HMCN1: variants seen among roughly 807,000 people sequenced by gnomAD.
The protein encoded by HMCN1 is hemicentin 1.
Under a neutral mutation model 625.9 loss-of-function variants are expected in HMCN1, and 321 were observed. The observed-to-expected ratio is 0.51, with a 90% CI of 0.47 to 0.56. The LOEUF (loss-of-function observed/expected upper bound fraction) is 0.56. Among genes scored for constraint, HMCN1 ranks in the 20% least tolerant of loss-of-function variants. The pLI is 0.00. For missense variants in HMCN1, 6,588 were observed against 6,887.3 expected (o/e 0.96, Z 1.54); for synonymous variants, 2,425 against 2,417.6 (o/e 1.00, Z -0.09).
chr1:185,769,117 C>T (rs1351995493), intron 1 of HMCN1, among the ~76,000 whole-genome samples: 1 of 152,046 alleles, frequency 6.6e-6, no homozygotes, highest in Non-Finnish European at 1.5e-5. Flanking sequence ...TTTCCAAATA[C>T]TTTGGGAATA....
At chr1:185,783,130 C>A (rs1657267023) in intron 1 of HMCN1, among the ~76,000 whole-genome samples, 2 of 151,982 alleles carry the variant, frequency 1.3e-5, no homozygotes, top group African/African-American at 4.8e-5. Flanking sequence ...TTTTCCAGTT[C>A]ATCGAATCGG....
At chr1:186,118,681 C>G (rs917160973) in intron 77 of HMCN1, among the ~76,000 whole-genome samples, 1 of 152,126 alleles carries the variant, frequency 6.6e-6, no homozygotes, top group Non-Finnish European at 1.5e-5. Context: ...TAAAAAGGAA[C>G]AAAATATTGA....
chr1:186,143,052 C>G (rs994888220), intron 89 of HMCN1, among the ~76,000 whole-genome samples: 3 of 152,178 alleles, frequency 2.0e-5, no homozygotes, highest in African/African-American at 7.2e-5. Flanking sequence ...CTTCTTTCCT[C>G]TGAGGTTTAG....
chr1:186,119,923 T>G, intron 79 of HMCN1, 41 bp downstream of exon 79: 1 of 1,613,992 alleles, frequency 6.2e-7, no homozygotes, highest in Non-Finnish European at 8.5e-7. Context: ...TCATAGCACA[T>G]CAGTGTTTTA....
In HMCN1 at chr1:185,897,037, A is replaced by G. The variant is rs78460283; in HGVS notation, c.622-12300A>G. Among the ~76,000 whole-genome samples, 747 of 152,264 alleles carry G rather than the reference A, an allele frequency of 4.9e-3. 4 individuals carry two copies. Among genetic ancestry groups the G allele is most frequent in the African/African-American group, 0.017 (695 of 41,550 alleles). On this transcript the variant is annotated intron_variant, in intron 4 of 106. Coordinates refer to ENST00000271588, the MANE Select transcript of HMCN1 (RefSeq NM_031935.3). Reference sequence around the variant, plus strand: ...GTAATTCTGGTCATAGTTAAATGGCATCATCATTCCTTTTGCTTCTCAAGC... The same window carrying G: ...GTAATTCTGGTCATAGTTAAATGGCGTCATCATTCCTTTTGCTTCTCAAGC...
At chr1:185,969,876 G>A (rs980993289) in intron 14 of HMCN1, among the ~76,000 whole-genome samples, 1 of 152,156 alleles carries the variant, frequency 6.6e-6, no homozygotes, top group Non-Finnish European at 1.5e-5. Flanking sequence ...TAGCTTTGTT[G>A]AGACATCTTC....
chr1:185,868,094 G>T lies in HMCN1; in HGVS notation c.621+2231G>T, dbSNP rs184650251. 2.4e-4 allele frequency among the ~76,000 whole-genome samples: 37 copies of T among 151,746 alleles called. No individual in the cohort carries two copies. In the East Asian group the frequency reaches 6.0e-3, roughly 25 times the overall value. On this transcript the variant is annotated intron_variant, in intron 4 of 106. Coordinates refer to ENST00000271588, the MANE Select transcript of HMCN1 (RefSeq NM_031935.3). ...AAAAAAAAAAATTCCAAAACAAATT[G>T]GGTTAAATTTAAGGAGAACCATAGG...
At chr1:186,053,721 G>A (rs1277338909) in intron 43 of HMCN1, 104 bp from the exon 44 acceptor site, 5 of 1,122,628 alleles carry the variant, frequency 4.5e-6, no homozygotes, top group East Asian at 2.4e-5. Context: ...AGTGTCATTT[G>A]CCTTTTATAT....
chr1:186,124,036 T>C (rs1363165269), intron 81 of HMCN1, among the ~76,000 whole-genome samples: 1 of 152,136 alleles, frequency 6.6e-6, no homozygotes, highest in Non-Finnish European at 1.5e-5. Context: ...ACTCCCCTGC[T>C]TTCAGTTAAT....
rs1446629231 is a variant in HMCN1 at position 185,970,375 on chromosome 1, C to A, written c.2253C>A (p.Asp751Glu). ...GGCCCTCAACATTCCTCATTATTGA[C>A]CCTCTCTTGGGACTTTTGAAGATTC... ...ELRPSTFLII[D>E]PLLGLLKIQE... The change falls in exon 15 of 107, where the codon GAC becomes GAA. Residue 751 changes from aspartate to glutamate, a missense_variant. By Grantham distance (45) the Asp-to-Glu change is conservative. This residue lies in a region of HMCN1 where 4,628 missense variants were observed against 4,853.1 expected (regional missense o/e 0.95). Coordinates refer to ENST00000271588, the MANE Select transcript of HMCN1 (RefSeq NM_031935.3). The A allele has an allele frequency of 1.9e-6, 3 of 1,613,584 alleles. No individual in the cohort carries two copies. Among genetic ancestry groups the A allele is most frequent in the Admixed American group, 1.7e-5 (1 of 60,000 alleles).
chr1:185,895,743 A>G (rs1379601410), intron 4 of HMCN1, among the ~76,000 whole-genome samples: 1 of 152,174 alleles, frequency 6.6e-6, no homozygotes, highest in Non-Finnish European at 1.5e-5. Context: ...GTAGTGATGG[A>G]GTGCATGTTA....
chr1:185,806,789 G>T (rs1324076762), intron 1 of HMCN1, among the ~76,000 whole-genome samples: 1 of 152,022 alleles, frequency 6.6e-6, no homozygotes, highest in Non-Finnish European at 1.5e-5. Flanking sequence ...TATTATGAAA[G>T]AATTTATAAA....
chr1:185,923,360 G>A lies in HMCN1; in HGVS notation c.1022-30G>A, dbSNP rs1193563121. The A allele has an allele frequency of 3.2e-6, 5 of 1,565,630 alleles. No homozygotes were observed. The African/African-American group carries it at 4.1e-5, about 13-fold the overall frequency. ...ATATAACTTCAATTGCTTGTTTCTTGTAAATGATAACAAAATCTTTCTCTT... is the reference window on the plus strand; with the variant it reads ...ATATAACTTCAATTGCTTGTTTCTTATAAATGATAACAAAATCTTTCTCTT... On this transcript the variant is annotated intron_variant, in intron 7 of 106. Coordinates refer to ENST00000271588, the MANE Select transcript of HMCN1 (RefSeq NM_031935.3).
intron 4 of HMCN1, among the ~76,000 whole-genome samples, chr1:185,879,806 T>G (rs1000265880): frequency 6.6e-6 from 1 of 152,162 alleles, no homozygotes; most frequent in Non-Finnish European, 1.5e-5. Flanking sequence ...TGAGGAGGGT[T>G]ACAAGAGTTG....
intron 11 of HMCN1, among the ~76,000 whole-genome samples, chr1:185,959,245 G>C (rs1181104167): frequency 6.6e-6 from 1 of 152,136 alleles, no homozygotes; most frequent in African/African-American, 2.4e-5. Context: ...AGAAGCTTAA[G>C]AGCAACAAAT....
At chr1:186,027,771 G>C in intron 36 of HMCN1, among the ~76,000 whole-genome samples, 1 of 152,062 alleles carries the variant, frequency 6.6e-6, no homozygotes, top group East Asian at 1.9e-4. Context: ...CTTTACTCTT[G>C]GCCAGGAACT....
At chr1:185,999,255 G>A (rs896122573) in intron 25 of HMCN1, among the ~76,000 whole-genome samples, 3 of 151,850 alleles carry the variant, frequency 2.0e-5, no homozygotes, top group African/African-American at 7.3e-5. Context: ...TTATTATGGA[G>A]ATTAAATAAT....
At chr1:186,019,448 T>A in intron 34 of HMCN1, 93 bp from the exon 35 acceptor site, 1 of 876,874 alleles carries the variant, frequency 1.1e-6, no homozygotes. Context: ...TTTTTTTTTC[T>A]AAATTTTAAG....
At chr1:185,902,403 ATC>A (rs200299028) in intron 4 of HMCN1, among the ~76,000 whole-genome samples, 4,120 of 124,210 alleles carry the variant, frequency 0.033, 184 homozygotes, top group African/African-American at 0.13. Context: ...CTATCTATCT[ATC>A]TCTATCTATC....
Sources: allele counts gnomAD v4.1 joint callset (sites outside exome capture counted in the v4.1 genomes callset), GRCh38; gene constraint gnomAD v4.1.1; regional missense constraint gnomAD v4.1.1; transcripts MANE v1.5; gene names NCBI Gene and HGNC (gene_info 2026-07-23, HGNC 2026-07-21).